Variants in NEK10 observed in about 807,000 individuals in gnomAD.
NEK10 encodes NIMA related kinase 10.
NEK10 carries 122 observed loss-of-function variants against 159.8 expected under a neutral mutation model. The ratio of observed to expected loss-of-function variants is 0.76; its 90% CI spans 0.66 to 0.89. The LOEUF (loss-of-function observed/expected upper bound fraction) is 0.89. NEK10 is among the 40% of genes least tolerant of loss of function. The pLI, the probability that NEK10 is intolerant of heterozygous loss-of-function variation, is 0.00. For missense variants in NEK10, 1,342 were observed against 1,323.1 expected, an observed-to-expected ratio of 1.01 and a Z score of -0.22; for synonymous variants, 466 against 457.1, an observed-to-expected ratio of 1.02 and a Z score of -0.25.
chr3:27,212,500 A>G (rs755286286), intron 23 of NEK10, among the ~76,000 whole-genome samples: 3 of 152,144 alleles, frequency 2.0e-5, no homozygotes, highest in African/African-American at 4.8e-5. Flanking sequence ...CTCACAACCA[A>G]TTTCACTCTG....
chr3:27,260,431 C>G lies in NEK10; in HGVS notation c.2015-4060G>C, dbSNP rs867162046. Among the ~76,000 whole-genome samples, 231 of 152,126 alleles carry G rather than the reference C, an allele frequency of 1.5e-3. 1 individual carries two copies. Among genetic ancestry groups the G allele is most frequent in the African/African-American group, 4.7e-3 (195 of 41,506 alleles). The stretch of plus-strand genomic sequence containing the variant: ...TTTATTGAGAGTTTTTAGCATGAAG[C>G]GTTGTTGAATTTTGTCAAAGGCCTT... On this transcript the variant is annotated intron_variant, in intron 22 of 35. Transcript: ENST00000691995.
chr3:27,204,317 T>G (rs1365828128), intron 23 of NEK10, among the ~76,000 whole-genome samples: 156 of 139,532 alleles, frequency 1.1e-3, no homozygotes, highest in African/African-American at 4.0e-3. Context: ...TTTTTTTTTT[T>G]TTTTATTATA....
intron 26 of NEK10, among the ~76,000 whole-genome samples, chr3:27,185,842 G>C (rs969317056): frequency 6.6e-6 from 1 of 152,028 alleles, no homozygotes; most frequent in Admixed American, 6.6e-5. Context: ...GTAGAAGTAA[G>C]GAAAAAACTA....
intron 29 of NEK10, among the ~76,000 whole-genome samples, chr3:27,168,006 C>A (rs1436281632): frequency 6.6e-6 from 1 of 152,204 alleles, no homozygotes. Flanking sequence ...TGGTTTAAAT[C>A]TGGCTCCTGA....
chr3:27,330,429 A>G (rs899728393), intron 5 of NEK10, among the ~76,000 whole-genome samples: 2 of 152,210 alleles, frequency 1.3e-5, no homozygotes, highest in African/African-American at 4.8e-5. Flanking sequence ...ACTCTGGGTA[A>G]AAGCAGAATG....
intron 22 of NEK10, among the ~76,000 whole-genome samples, chr3:27,258,809 G>A (rs529158875): frequency 2.0e-5 from 3 of 152,138 alleles, no homozygotes; most frequent in African/African-American, 7.2e-5. Flanking sequence ...CTTCCACAAT[G>A]GTTGAACTAG....
chr3:27,285,720 A>C (rs1391844614), intron 20 of NEK10, among the ~76,000 whole-genome samples: 1 of 152,184 alleles, frequency 6.6e-6, no homozygotes, highest in Non-Finnish European at 1.5e-5. Flanking sequence ...TGTCTTTTGA[A>C]ACCTTGGGAT....
chr3:27,242,746 G>A (rs1319951430), intron 23 of NEK10, among the ~76,000 whole-genome samples: 1 of 152,212 alleles, frequency 6.6e-6, no homozygotes, highest in Non-Finnish European at 1.5e-5. Flanking sequence ...AGGTGAGGAG[G>A]AGCTGAACAG....
chr3:27,282,630 C>T lies in NEK10; in HGVS notation c.2014+1972G>A, dbSNP rs1190922773. 2.2e-4 allele frequency among the ~76,000 whole-genome samples: 21 copies of T among 97,154 alleles called. No individual in the cohort carries two copies. The South Asian group carries it at 4.3e-3, about 20-fold the overall frequency. The allele number at this position is 97,154 out of a possible 152,430, so 63.7% of individuals were successfully genotyped here. Reference sequence around the variant, plus strand: ...TACATAACTGTGTTATATATATATACATAACTGTGTTATATATATACATAA... The same window carrying T: ...TACATAACTGTGTTATATATATATATATAACTGTGTTATATATATACATAA... On this transcript the variant is annotated intron_variant, in intron 22 of 35. Transcript: ENST00000691995.
intron 5 of NEK10, among the ~76,000 whole-genome samples, chr3:27,343,602 T>C (rs1411468375): frequency 2.0e-5 from 3 of 152,122 alleles, no homozygotes; most frequent in Non-Finnish European, 2.9e-5. Context: ...GTTAGGAGCC[T>C]CCTTTGCATC....
chr3:27,239,044 G>C (rs899057939), intron 23 of NEK10, among the ~76,000 whole-genome samples: 1 of 151,966 alleles, frequency 6.6e-6, no homozygotes, highest in African/African-American at 2.4e-5. Context: ...ATGAAGACTT[G>C]GCCCACAACC....
chr3:27,300,537 G>T (rs1362250673), intron 13 of NEK10, among the ~76,000 whole-genome samples: 1 of 152,110 alleles, frequency 6.6e-6, no homozygotes, highest in Non-Finnish European at 1.5e-5. Flanking sequence ...TAAGTGTAAG[G>T]CTCAATGAGA....
At chr3:27,222,790 T>C (rs939388642) in intron 23 of NEK10, among the ~76,000 whole-genome samples, 3 of 152,152 alleles carry the variant, frequency 2.0e-5, no homozygotes, top group African/African-American at 7.2e-5. Flanking sequence ...CTACAAATAT[T>C]TTAATAGTTC....
intron 1 of NEK10, among the ~76,000 whole-genome samples, chr3:27,359,038 C>T (rs893656575): frequency 6.6e-6 from 1 of 152,060 alleles, no homozygotes; most frequent in Non-Finnish European, 1.5e-5. Context: ...ACCGTCTCTA[C>T]TAAAAACACA....
intron 33 of NEK10, among the ~76,000 whole-genome samples, chr3:27,118,572 T>C (rs2125434479): frequency 1.3e-5 from 2 of 152,312 alleles, no homozygotes; most frequent in South Asian, 4.1e-4. Flanking sequence ...AGCTGTGACA[T>C]GGGCCAAGCC....
At chr3:27,284,570 T>C in intron 22 of NEK10, 32 bp downstream of exon 22, 1 of 1,208,934 alleles carries the variant, frequency 8.3e-7, no homozygotes, top group South Asian at 1.2e-5. Context: ...CAGGAATTCT[T>C]CAGTTAAAAG....
chr3:27,132,233 T>C (rs1306678052), intron 31 of NEK10, among the ~76,000 whole-genome samples: 1 of 152,246 alleles, frequency 6.6e-6, no homozygotes, highest in African/African-American at 2.4e-5. Context: ...TCTTCATTGA[T>C]TGATATTATT....
At chr3:27,246,083 A>C (rs1401950590) in intron 23 of NEK10, among the ~76,000 whole-genome samples, 1 of 152,232 alleles carries the variant, frequency 6.6e-6, no homozygotes, top group Non-Finnish European at 1.5e-5. Context: ...AATTGATAAA[A>C]GAAGCAAGGA....
At chr3:27,277,931 TG>T (rs2041885973) in intron 22 of NEK10, among the ~76,000 whole-genome samples, 1 of 152,176 alleles carries the variant, frequency 6.6e-6, no homozygotes, top group Non-Finnish European at 1.5e-5. Context: ...GCTCCCTTAT[TG>T]ACACATAATG....
Sources: allele counts gnomAD v4.1 joint callset (sites outside exome capture counted in the v4.1 genomes callset), GRCh38; gene constraint gnomAD v4.1.1; transcripts MANE v1.5; gene names NCBI Gene and HGNC (gene_info 2026-07-23, HGNC 2026-07-21).